The following EPHA3 variants were observed in gnomAD, a reference collection of about 807,000 sequenced individuals.
EPHA3 encodes the protein EPH receptor A3.
A neutral mutation model predicts 107.1 loss-of-function variants in EPHA3; 42 were observed. That is an observed-to-expected ratio of 0.39 (90% CI 0.31 to 0.51). EPHA3 has a LOEUF of 0.51. Among genes scored for constraint, EPHA3 ranks in the 20% least tolerant of loss-of-function variants. The pLI, the probability that EPHA3 is intolerant of heterozygous loss-of-function variation, is 0.78. For synonymous variants in EPHA3, 461 were observed against 424.8 expected, an observed-to-expected ratio of 1.09 and a Z score of -1.05; for missense variants, 1,183 against 1,211.2, an observed-to-expected ratio of 0.98 and a Z score of 0.35.
intron 3 of EPHA3, among the ~76,000 whole-genome samples, chr3:89,320,631 A>ATT: frequency 6.6e-6 from 1 of 151,990 alleles, no homozygotes; most frequent in Non-Finnish European, 1.5e-5. Context: ...ACATGGCAAG[A>ATT]TTTTTTAAAT....
chr3:89,212,393 T>G (rs1481702178), intron 3 of EPHA3, among the ~76,000 whole-genome samples: 1 of 151,996 alleles, frequency 6.6e-6, no homozygotes. Context: ...AGGGTAACAC[T>G]GAAAAATTAA....
chr3:89,257,462 G>A (rs1235115046), intron 3 of EPHA3, among the ~76,000 whole-genome samples: 2 of 151,992 alleles, frequency 1.3e-5, no homozygotes, highest in South Asian at 2.1e-4. Flanking sequence ...CCACACAAAG[G>A]GACCAGGGAC....
chr3:89,180,198 T>G (rs1175056059), intron 2 of EPHA3, among the ~76,000 whole-genome samples: 1 of 152,148 alleles, frequency 6.6e-6, no homozygotes, highest in East Asian at 1.9e-4. Context: ...CATTAATTTT[T>G]TTTTCATGAA....
intron 3 of EPHA3, among the ~76,000 whole-genome samples, chr3:89,253,360 C>A (rs1051034009): frequency 6.6e-6 from 1 of 152,064 alleles, no homozygotes; most frequent in Non-Finnish European, 1.5e-5. Context: ...AAGACACACA[C>A]AATTCATACT....
chr3:89,107,860 G>A (rs767688381), intron 1 of EPHA3, 24 bp downstream of exon 1: 3 of 1,609,328 alleles, frequency 1.9e-6, no homozygotes, highest in African/African-American at 2.7e-5. Flanking sequence ...CGCGACGCAC[G>A]GAGCTCTGCC....
chr3:89,146,207 A>G (rs1346088244), intron 2 of EPHA3, among the ~76,000 whole-genome samples: 1 of 151,910 alleles, frequency 6.6e-6, no homozygotes, highest in Non-Finnish European at 1.5e-5. Context: ...TCCTCCATGT[A>G]TACACAGGAC....
chr3:89,170,380 C>T (rs1282323446), intron 2 of EPHA3, among the ~76,000 whole-genome samples: 1 of 151,972 alleles, frequency 6.6e-6, no homozygotes, highest in Admixed American at 6.6e-5. Flanking sequence ...TTTTATTTTC[C>T]TCATAAGGAC....
intron 10 of EPHA3, among the ~76,000 whole-genome samples, chr3:89,417,384 C>T (rs1217985227): frequency 2.0e-5 from 3 of 151,470 alleles, no homozygotes; most frequent in African/African-American, 4.8e-5. Context: ...GTGATGATGA[C>T]ATCTACATTT....
intron 2 of EPHA3, among the ~76,000 whole-genome samples, chr3:89,151,998 A>G (rs1303923183): frequency 2.0e-5 from 3 of 152,024 alleles, no homozygotes; most frequent in Non-Finnish European, 4.4e-5. Flanking sequence ...CAGATTTTCC[A>G]CATTTAAATT....
At chr3:89,278,624 T>G (rs1705867753) in intron 3 of EPHA3, among the ~76,000 whole-genome samples, 1 of 152,096 alleles carries the variant, frequency 6.6e-6, no homozygotes, top group African/African-American at 2.4e-5. Context: ...TCTTCTGTAT[T>G]TCTCAATAAC....
At chr3:89,244,882 T>C (rs958652399) in intron 3 of EPHA3, among the ~76,000 whole-genome samples, 2 of 152,216 alleles carry the variant, frequency 1.3e-5, no homozygotes, top group African/African-American at 4.8e-5. Flanking sequence ...CATTTTCCTA[T>C]GAAAATGCAA....
At chr3:89,345,613 T>C (rs1370680676) in intron 5 of EPHA3, among the ~76,000 whole-genome samples, 2 of 150,014 alleles carry the variant, frequency 1.3e-5, no homozygotes, top group Admixed American at 1.3e-4. Context: ...TTTCTTTTTT[T>C]TTTTTCTTTT....
intron 2 of EPHA3, among the ~76,000 whole-genome samples, chr3:89,165,536 C>T (rs889286567): frequency 2.0e-5 from 3 of 152,150 alleles, no homozygotes; most frequent in African/African-American, 4.8e-5. Flanking sequence ...CTCTTCTGTG[C>T]CTTTCCTCTT....
chr3:89,199,683 CA>C (rs2107157499), intron 2 of EPHA3, among the ~76,000 whole-genome samples: 1 of 152,234 alleles, frequency 6.6e-6, no homozygotes, highest in South Asian at 2.1e-4. Context: ...CCCTCTATTT[CA>C]AAAATCTGAA....
At position 89,472,562 on chromosome 3, in the gene EPHA3, A is replaced by C; in HGVS notation, c.2789A>C (p.Glu930Ala). The change falls in exon 16 of 17, where the codon GAA (glutamate) becomes GCA (alanine). Residue 930 changes from glutamate to alanine, a missense_variant. By Grantham distance (107) the Glu-to-Ala change is moderately radical. Coordinates refer to ENST00000336596, the MANE Select transcript of EPHA3 (RefSeq NM_005233.6). ...LNGVWTAHCKEIFTGVEYSSC... is the reference protein window; with the variant it reads ...LNGVWTAHCKAIFTGVEYSSC... ...GGTGTCTGGACAGCACACTGCAAGG[A>C]AATCTTCACGGGTGTGGAGTACAGT... 2 of 1,614,174 alleles carry C rather than the reference A, an allele frequency of 1.2e-6. No individual in the cohort carries two copies. The highest frequency in any genetic ancestry group is 1.7e-6 in the Non-Finnish European group (2 of 1,180,014).
chr3:89,457,462 C>T (rs1016353036), intron 15 of EPHA3, among the ~76,000 whole-genome samples: 8 of 152,100 alleles, frequency 5.3e-5, no homozygotes, highest in African/African-American at 1.4e-4. Context: ...ACCGCACACA[C>T]GAGGAGTCTA....
At chr3:89,250,006 A>C (rs572690203) in intron 3 of EPHA3, among the ~76,000 whole-genome samples, 2 of 152,146 alleles carry the variant, frequency 1.3e-5, no homozygotes, top group African/African-American at 4.8e-5. Context: ...ACATCACCAG[A>C]CTTACTAGCT....
At chr3:89,181,288 T>G (rs1160405548) in intron 2 of EPHA3, among the ~76,000 whole-genome samples, 1 of 152,004 alleles carries the variant, frequency 6.6e-6, no homozygotes, top group Non-Finnish European at 1.5e-5. Flanking sequence ...AATTTCCAGT[T>G]GAGCAAATAT....
chr3:89,317,609 C>T (rs1018415067), intron 3 of EPHA3, among the ~76,000 whole-genome samples: 1 of 151,640 alleles, frequency 6.6e-6, no homozygotes, highest in Non-Finnish European at 1.5e-5. Flanking sequence ...AGGTAAAAAA[C>T]AAATAATCAT....
Sources: allele counts gnomAD v4.1 joint callset (sites outside exome capture counted in the v4.1 genomes callset), GRCh38; gene constraint gnomAD v4.1.1; transcripts MANE v1.5; gene names NCBI Gene and HGNC (gene_info 2026-07-23, HGNC 2026-07-21).